The following VNN2 variants were observed in gnomAD, a reference collection of about 807,000 sequenced individuals.
The protein encoded by VNN2 is pantetheine hydrolase VNN2.
In VNN2, 43 loss-of-function variants were observed where a neutral mutation model predicts 43.0. The observed-to-expected ratio is 1.00, with a 90% CI of 0.78 to 1.29. The LOEUF is 1.29. VNN2 is among the 50% of genes most tolerant of loss of function. VNN2 has a pLI of 0.00. For missense variants in VNN2, 652 were observed against 619.7 expected (o/e 1.05, Z -0.55); for synonymous variants, 230 against 224.3 (o/e 1.03, Z -0.23).
In VNN2 at chr6:132,757,829, GC is replaced by G; in HGVS notation, c.54del (p.Gln19ArgfsTer9). ...ISVAVFALITLQVGTQDSFIA... is the reference protein window; with the variant it reads ...ISVAVFALITXQVGTQDSFIA... ...ATAAAACTGTCCTGAGTACCAACCTGCAGGGTTATTAGGGCAAAAACTGCCA... is the reference window on the plus strand; with the variant it reads ...ATAAAACTGTCCTGAGTACCAACCTGAGGGTTATTAGGGCAAAAACTGCCA... On this transcript the variant is annotated frameshift_variant, in exon 1 of 7. Transcript: ENST00000326499. LOFTEE classifies it high-confidence loss of function. The G allele has an allele frequency of 6.2e-7, 1 of 1,614,020 alleles. No homozygotes were observed. The highest frequency in any genetic ancestry group is 8.5e-7 in the Non-Finnish European group (1 of 1,180,000).
chr6:132,753,242 A>T (rs1780242039), intron 3 of VNN2: 1 of 223,608 alleles, frequency 4.5e-6, no homozygotes. Flanking sequence ...AGCCAGGATG[A>T]TCTCAATCTC....
rs781414773 is a variant in VNN2 at position 132,757,648 on chromosome 6, G to A, written c.213+23C>T. The A allele has an allele frequency of 6.8e-6, 11 of 1,611,984 alleles. No homozygotes were observed. In the South Asian group the frequency reaches 9.9e-5, roughly 15 times the overall value. ...CTCCCATGCCCCTCGTGTACATTATGATTAACAGAAATAAGAGAATACCTG... is the reference window on the plus strand; with the variant it reads ...CTCCCATGCCCCTCGTGTACATTATAATTAACAGAAATAAGAGAATACCTG... On this transcript the variant is annotated intron_variant, in intron 1 of 6. Transcript: ENST00000326499.
At chr6:132,753,441 A>G (rs1780256106) in intron 3 of VNN2, 1 of 448,268 alleles carries the variant, frequency 2.2e-6, no homozygotes, top group African/African-American at 2.0e-5. Context: ...GAGAGATGTC[A>G]TCTCTCTCTT....
At chr6:132,752,841 A>G (rs1334142844) in intron 3 of VNN2, 92 bp from the exon 4 acceptor site, 39 of 1,395,916 alleles carry the variant, frequency 2.8e-5, no homozygotes, top group Admixed American at 1.6e-4. Flanking sequence ...AGATTTGGCT[A>G]TGGTCAACTG....
At chr6:132,747,853 T>C (rs34696126) in intron 6 of VNN2, among the ~76,000 whole-genome samples, 7,046 of 152,266 alleles carry the variant, frequency 0.046, 221 homozygotes, top group East Asian at 0.13. Flanking sequence ...CAAACACTTA[T>C]GTGGTTCAGA....
intron 6 of VNN2, among the ~76,000 whole-genome samples, chr6:132,748,204 C>T: frequency 6.6e-6 from 1 of 152,164 alleles, no homozygotes; most frequent in East Asian, 1.9e-4. Context: ...ATATTTATGT[C>T]AGTCCAGCCA....
intron 2 of VNN2, 116 bp from the exon 3 acceptor site, chr6:132,756,151 T>C (rs1012476488): frequency 6.2e-6 from 6 of 969,706 alleles, no homozygotes; most frequent in Middle Eastern, 3.3e-4. Flanking sequence ...ACAAAAACTA[T>C]GCCTAAAAAT....
Position 132,750,491 on chromosome 6 carries a change from A to T in VNN2, c.1201-626T>A, listed in dbSNP as rs189417415. On this transcript the variant is annotated intron_variant, in intron 5 of 6. Coordinates refer to ENST00000326499, the MANE Select transcript of VNN2 (RefSeq NM_004665.6). ...CCTGTCTCTACTAAAAATATTTTGT[A>T]TATGTGTATATATATATATATATTT... is the stretch of plus-strand genomic sequence containing the variant. 1.5e-3 allele frequency among the ~76,000 whole-genome samples: 157 copies of T among 102,624 alleles called. 2 individuals are homozygous for T. The highest frequency in any genetic ancestry group is 9.3e-3 in the African/African-American group (154 of 16,606). 67.3% of individuals were successfully genotyped at this position (102,624 alleles called of 152,430 possible). A position where few individuals can be genotyped will look rare whatever the true frequency, so the allele number is the denominator to read the frequency against.
chr6:132,744,083 C>T lies in VNN2; in HGVS notation c.*217G>A, dbSNP rs1312049731. 1.0e-5 allele frequency: 4 copies of T among 387,620 alleles called. No individual in the cohort carries two copies. Among genetic ancestry groups the T allele is most frequent in the Non-Finnish European group, 1.3e-5 (3 of 222,394 alleles). 24.0% of individuals were successfully genotyped at this position (387,620 alleles called of 1,614,324 possible). ...TTTATCTGACCCAAACACCCAGGCT[C>T]TTTCCATTGTTCCACACTGCAACAT... On this transcript the variant is annotated 3_prime_UTR_variant, in exon 7 of 7. Transcript: ENST00000326499.
At chr6:132,748,309 T>C (rs1779842409) in intron 6 of VNN2, among the ~76,000 whole-genome samples, 1 of 152,202 alleles carries the variant, frequency 6.6e-6, no homozygotes, top group African/African-American at 2.4e-5. Context: ...CCAGCCTCAA[T>C]TTGCTCATGA....
upstream of VNN2, among the ~76,000 whole-genome samples, chr6:132,760,350 A>AT (rs767662370): frequency 6.6e-6 from 1 of 151,880 alleles, no homozygotes; most frequent in Non-Finnish European, 1.5e-5. Context: ...AATTTTTGTT[A>AT]TTTTTTGTAG....
chr6:132,758,636 C>T (rs1382932822), upstream of VNN2, among the ~76,000 whole-genome samples: 1 of 152,110 alleles, frequency 6.6e-6, no homozygotes, highest in East Asian at 1.9e-4. Context: ...GAGTCACTTA[C>T]ATTGTGTTTA....
rs771047486 is a variant in VNN2 at position 132,751,351 on chromosome 6, C to T, written c.994G>A (p.Val332Ile). The T allele has an allele frequency of 6.2e-7, 1 of 1,613,992 alleles. No individual in the cohort carries two copies. The highest frequency in any genetic ancestry group is 2.2e-5 in the East Asian group (1 of 44,894). Reference protein sequence around the residue: ...AYATTIKPFPVQKNTFRGFIS... With the variant: ...AYATTIKPFPIQKNTFRGFIS... ...AATCCCCTGAAAGTGTTTTTCTGTA[C>T]TGGAAATGGTTTGATGGTGGTGGCG... is the stretch of plus-strand genomic sequence containing the variant. Residue 332 changes from valine to isoleucine, a missense_variant, in exon 5 of 7, where the codon GTA becomes ATA. Coordinates refer to ENST00000326499, the MANE Select transcript of VNN2 (RefSeq NM_004665.6).
upstream of VNN2, chr6:132,760,658 G>A (rs970308758): frequency 6.6e-6 from 1 of 151,912 alleles, no homozygotes; most frequent in East Asian, 1.9e-4. Context: ...TCACCAATTA[G>A]TAATACTTAA....
At chr6:132,760,481 T>G (rs550018448), upstream of VNN2, among the ~76,000 whole-genome samples, 2 of 152,226 alleles carry the variant, frequency 1.3e-5, no homozygotes, top group South Asian at 4.1e-4. Context: ...CAGTCATTCA[T>G]GTCTTTTAAA....
At position 132,751,553 on chromosome 6, in the gene VNN2, C is replaced by T. The variant is rs569443110; in HGVS notation, c.827-35G>A. The stretch of plus-strand genomic sequence containing the variant: ...AAAGACAAGTCTTCTAAAAACAACA[C>T]CACACACAAAAAAACCAAAACTGCC... On this transcript the variant is annotated intron_variant, in intron 4 of 6. Transcript: ENST00000326499. The T allele has an allele frequency of 3.8e-5, 59 of 1,562,650 alleles. 1 individual carries two copies. In the South Asian group the frequency reaches 6.3e-4, roughly 17 times the overall value.
chr6:132,762,098 T>A (rs1780752069), upstream of VNN2, among the ~76,000 whole-genome samples: 2 of 152,178 alleles, frequency 1.3e-5, no homozygotes, highest in Admixed American at 1.3e-4. Context: ...TGGAATGAAA[T>A]GGGGTTGACA....
At chr6:132,751,616 C>T in intron 4 of VNN2, 98 bp from the exon 5 acceptor site, 1 of 1,416,020 alleles carries the variant, frequency 7.1e-7, no homozygotes, top group Non-Finnish European at 9.5e-7. Flanking sequence ...ATCACGCCAC[C>T]ATATTAGTCA....
intron 6 of VNN2, among the ~76,000 whole-genome samples, chr6:132,746,915 T>C (rs891197010): frequency 1.3e-5 from 2 of 152,150 alleles, no homozygotes; most frequent in African/African-American, 4.8e-5. Context: ...GAATCTACAC[T>C]TACAAAATAA....
Sources: gnomAD v4.1 joint callset for allele counts (sites outside exome capture counted in the v4.1 genomes callset) on GRCh38, gnomAD v4.1.1 for gene constraint, MANE v1.5 for transcripts, NCBI Gene and HGNC (gene_info 2026-07-23, HGNC 2026-07-21) for gene names.